Variants in PRIMPOL observed in about 807,000 individuals in gnomAD.
PRIMPOL encodes DNA-directed primase/polymerase protein.
A neutral mutation model predicts 63.6 loss-of-function variants in PRIMPOL; 54 were observed. The observed-to-expected ratio is 0.85, with a 90% CI of 0.68 to 1.07. The LOEUF is 1.07. Ranked by LOEUF, PRIMPOL falls within the 50% of genes least tolerant of loss-of-function variation. PRIMPOL has a pLI of 0.00. For synonymous variants in PRIMPOL, 197 were observed against 220.2 expected, an observed-to-expected ratio of 0.89 and a Z score of 0.93; for missense variants, 610 against 648.3, an observed-to-expected ratio of 0.94 and a Z score of 0.64.
chr4:184,691,685 A>C lies in PRIMPOL; in HGVS notation c.1398A>C (p.Glu466Asp), dbSNP rs1758576273. ...ATTCAGGTTTCCCATTACCTGCTGA[A>C]GTATGTCTCCTGTTTCTTTTCAAAG... ...FKSDCFPLPAEVCLLFLFKEE... is the reference protein window; with the variant it reads ...FKSDCFPLPADVCLLFLFKEE... The change falls in exon 13 of 14, where the codon GAA (glutamate) becomes GAC (aspartate). Residue 466 changes from glutamate to aspartate, a missense_variant. Glu to Asp is a conservative substitution (Grantham distance 45). Transcript: ENST00000314970. 2 of 1,612,558 alleles carry C rather than the reference A, an allele frequency of 1.2e-6. No homozygotes were observed. Among genetic ancestry groups the C allele is most frequent in the Non-Finnish European group, 1.7e-6 (2 of 1,178,836 alleles).
At chr4:184,657,054 T>G in intron 2 of PRIMPOL, 28 bp from the exon 3 acceptor site, 1 of 930,142 alleles carries the variant, frequency 1.1e-6, no homozygotes, top group Non-Finnish European at 1.5e-6. Context: ...AAGAAATTAA[T>G]GGCCTTTTTG....
intron 6 of PRIMPOL, among the ~76,000 whole-genome samples, chr4:184,669,856 G>A (rs1751097791): frequency 6.6e-6 from 1 of 152,198 alleles, no homozygotes; most frequent in Non-Finnish European, 1.5e-5. Flanking sequence ...AGCCAGAGGT[G>A]CAGAGAATAT....
chr4:184,664,423 T>C (rs1489405256), intron 5 of PRIMPOL, among the ~76,000 whole-genome samples: 1 of 152,244 alleles, frequency 6.6e-6, no homozygotes, highest in Non-Finnish European at 1.5e-5. Flanking sequence ...AAAATTAAAC[T>C]GGCTTAAACA....
chr4:184,655,446 C>T lies in PRIMPOL; in HGVS notation c.-59-1636C>T, dbSNP rs547112729. On this transcript the variant is annotated intron_variant, in intron 2 of 13. Coordinates refer to ENST00000314970, the MANE Select transcript of PRIMPOL (RefSeq NM_152683.4). Reference sequence around the variant, plus strand: ...AAACTATTCTCTTGCCTCAGCCTCCCGAGTAGTTGGGATTATAGGTGCCCA... The same window carrying T: ...AAACTATTCTCTTGCCTCAGCCTCCTGAGTAGTTGGGATTATAGGTGCCCA... 7.5e-4 allele frequency among the ~76,000 whole-genome samples: 113 copies of T among 150,972 alleles called. No homozygotes were observed. In the East Asian group the frequency reaches 0.019, roughly 25 times the overall value.
rs1257597780 is a variant in PRIMPOL at position 184,667,788 on chromosome 4, C to T, written c.556+1724C>T. On this transcript the variant is annotated intron_variant, in intron 6 of 13. Coordinates refer to ENST00000314970, the MANE Select transcript of PRIMPOL (RefSeq NM_152683.4). ...GACATCACCTAAGTTTCATTATCCC[C>T]CTTATAAGGTTATACCCCATCCCCT... 5.3e-5 allele frequency among the ~76,000 whole-genome samples: 8 copies of T among 152,140 alleles called. No individual in the cohort carries two copies. The East Asian group carries it at 1.5e-3, about 29-fold the overall frequency.
chr4:184,691,008 A>T (rs568145770), intron 11 of PRIMPOL, among the ~76,000 whole-genome samples: 1 of 152,360 alleles, frequency 6.6e-6, no homozygotes, highest in Non-Finnish European at 1.5e-5. Context: ...TTCACTTTAT[A>T]GCTAGCATGG....
At chr4:184,692,838 TCA>T (rs1279033413) in intron 13 of PRIMPOL, among the ~76,000 whole-genome samples, 1 of 152,190 alleles carries the variant, frequency 6.6e-6, no homozygotes, top group Non-Finnish European at 1.5e-5. Context: ...ATGCAGTACC[TCA>T]GTTGTTTTAA....
chr4:184,664,879 A>T (rs1180639894), intron 5 of PRIMPOL, among the ~76,000 whole-genome samples: 1 of 152,238 alleles, frequency 6.6e-6, no homozygotes, highest in African/African-American at 2.4e-5. Context: ...AAGAGTATGT[A>T]GGGGGAATTT....
chr4:184,694,939 A>G lies in PRIMPOL; in HGVS notation c.*160A>G, dbSNP rs1387232212. 5.2e-5 allele frequency: 32 copies of G among 614,074 alleles called. No individual in the cohort carries two copies. Among genetic ancestry groups the G allele is most frequent in the Admixed American group, 3.8e-4 (12 of 31,570 alleles). 38.0% of individuals were successfully genotyped at this position (614,074 alleles called of 1,614,324 possible). A position where few individuals can be genotyped will look rare whatever the true frequency, so the allele number is the denominator to read the frequency against. ...CTGTAAACCAATTTCATTAAAAATT[A>G]GCTTTGGTGTAAATTCAGGAGAAAT... On this transcript the variant is annotated 3_prime_UTR_variant, in exon 14 of 14. Transcript: ENST00000314970.
chr4:184,694,386 C>T (rs1759980605), intron 13 of PRIMPOL, 136 bp from the exon 14 acceptor site: 2 of 1,418,848 alleles, frequency 1.4e-6, no homozygotes, highest in Non-Finnish European at 1.8e-6. Context: ...ATATCGGAGA[C>T]AGCATTCCTC....
chr4:184,672,460 G>A lies in PRIMPOL; in HGVS notation c.844G>A (p.Gly282Arg), dbSNP rs770893069. Reference sequence around the variant, plus strand: ...AGAGAAGCATCTTTTTGTAGATCTCGGTAAGTAAGATTGACAGCTTTCTCC... The same window carrying A: ...AGAGAAGCATCTTTTTGTAGATCTCAGTAAGTAAGATTGACAGCTTTCTCC... Reference protein sequence around the residue: ...MGEKHLFVDLGVYTRNRNFRL... With the variant: ...MGEKHLFVDLRVYTRNRNFRL... Residue 282 changes from glycine to arginine, a missense_variant and splice_region_variant, in exon 7 of 14, where the codon GGA becomes AGA. Physicochemically the swap from Gly to Arg is moderately radical, Grantham distance 125. Transcript: ENST00000314970. 22 of 1,598,596 alleles carry A rather than the reference G, an allele frequency of 1.4e-5. No individual in the cohort carries two copies. The highest frequency in any genetic ancestry group is 3.4e-5 in the South Asian group (3 of 88,024).
intron 1 of PRIMPOL, among the ~76,000 whole-genome samples, chr4:184,650,407 C>A (rs938850095): frequency 6.6e-6 from 1 of 152,180 alleles, no homozygotes; most frequent in African/African-American, 2.4e-5. Flanking sequence ...AAGGCCCCAT[C>A]TTTTATAGTC....
At chr4:184,654,358 A>G (rs1217348871) in intron 2 of PRIMPOL, among the ~76,000 whole-genome samples, 2 of 152,188 alleles carry the variant, frequency 1.3e-5, no homozygotes, top group African/African-American at 4.8e-5. Flanking sequence ...TAAGTATAGC[A>G]GATTTTTAGC....
chr4:184,687,454 A>T (rs931361864), intron 11 of PRIMPOL, among the ~76,000 whole-genome samples: 1 of 152,172 alleles, frequency 6.6e-6, no homozygotes, highest in East Asian at 1.9e-4. Context: ...CCAGAAGCTG[A>T]TCAAACCTCA....
At chr4:184,667,267 C>T (rs1750187027) in intron 6 of PRIMPOL, among the ~76,000 whole-genome samples, 1 of 152,146 alleles carries the variant, frequency 6.6e-6, no homozygotes, top group Non-Finnish European at 1.5e-5. Context: ...CACAGTCACC[C>T]ATCCAAACCC....
chr4:184,660,451 G>A (rs1158055264), intron 4 of PRIMPOL, among the ~76,000 whole-genome samples: 1 of 152,268 alleles, frequency 6.6e-6, no homozygotes. Context: ...AAAGTGCTGG[G>A]ATTACCAGCA....
At chr4:184,670,889 T>G (rs1056256628) in intron 6 of PRIMPOL, among the ~76,000 whole-genome samples, 3 of 152,094 alleles carry the variant, frequency 2.0e-5, no homozygotes, top group Admixed American at 2.0e-4. Flanking sequence ...GAAATAAAAA[T>G]GTGAATTTAG....
At chr4:184,682,772 A>G (rs181793453) in intron 9 of PRIMPOL, among the ~76,000 whole-genome samples, 3 of 152,300 alleles carry the variant, frequency 2.0e-5, no homozygotes, top group Admixed American at 1.3e-4. Context: ...ACCTCTAGCC[A>G]AGCACAGGGG....
intron 8 of PRIMPOL, among the ~76,000 whole-genome samples, chr4:184,679,127 T>A (rs905333548): frequency 6.6e-6 from 1 of 152,232 alleles, no homozygotes; most frequent in Non-Finnish European, 1.5e-5. Context: ...TAAATGATTG[T>A]CATTTGTTTT....
Sources: allele counts gnomAD v4.1 joint callset (sites outside exome capture counted in the v4.1 genomes callset), GRCh38; gene constraint gnomAD v4.1.1; transcripts MANE v1.5; gene names NCBI Gene and HGNC (gene_info 2026-07-23, HGNC 2026-07-21).